Variants in C17orf75 observed in about 807,000 individuals in gnomAD.
The protein encoded by C17orf75 is chromosome 17 open reading frame 75.
Under a neutral mutation model 49.6 loss-of-function variants are expected in C17orf75, and 32 were observed. The observed-to-expected ratio is 0.65, with a 90% confidence interval of 0.49 to 0.87. The LOEUF (loss-of-function observed/expected upper bound fraction) is 0.87. Among genes scored for constraint, C17orf75 ranks in the 40% least tolerant of loss-of-function variants. C17orf75 has a pLI of 0.00. For synonymous variants in C17orf75, 158 were observed against 159.5 expected, an observed-to-expected ratio of 0.99 and a Z score of 0.07; for missense variants, 428 against 473.9, an observed-to-expected ratio of 0.90 and a Z score of 0.90.
chr17:32,339,748 T>C lies in C17orf75; in HGVS notation c.347+65A>G, dbSNP rs1409144031. Reference sequence around the variant, plus strand: ...CTAGTAGGAGCTGATCTTTTGGAGTTTCTCATCACTTCTCATATTTAGTTC... The same window carrying C: ...CTAGTAGGAGCTGATCTTTTGGAGTCTCTCATCACTTCTCATATTTAGTTC... On this transcript the variant is annotated intron_variant, in intron 3 of 9. Transcript: ENST00000577809. 1.9e-6 allele frequency: 3 copies of C among 1,583,000 alleles called. No individual in the cohort carries two copies. In the African/African-American group the frequency reaches 4.1e-5, roughly 21 times the overall value.
Position 32,334,968 on chromosome 17 carries a change from C to CTCCAGA in C17orf75, c.670-135_670-130dup. 4.1e-6 allele frequency: 3 copies of CTCCAGA among 728,572 alleles called. No individual in the cohort carries two copies. In the South Asian group the frequency reaches 6.1e-5, roughly 15 times the overall value. 45.1% of individuals were successfully genotyped at this position (728,572 alleles called of 1,614,324 possible). A position where few individuals can be genotyped will look rare whatever the true frequency, so the allele number is the denominator to read the frequency against. On this transcript the variant is annotated intron_variant, in intron 6 of 9. Coordinates refer to ENST00000577809, the MANE Select transcript of C17orf75 (RefSeq NM_022344.4). ...AATTGATGGGCACTGGTCACAAGCTCTCCAGAGCCTTGTTCAGCCACTGCT... is the reference window on the plus strand; with the variant it reads ...AATTGATGGGCACTGGTCACAAGCTCTCCAGATCCAGAGCCTTGTTCAGCCACTGCT...
intron 9 of C17orf75, 147 bp from the exon 10 acceptor site, chr17:32,332,125 T>C (rs1241992997): frequency 4.3e-6 from 3 of 698,560 alleles, no homozygotes. Context: ...AATTGCAGTA[T>C]GCTTTGCCCT....
At chr17:32,341,166 G>A (rs762171486) in intron 2 of C17orf75, 38 bp downstream of exon 2, 3 of 1,599,706 alleles carry the variant, frequency 1.9e-6, no homozygotes, top group South Asian at 1.1e-5. Flanking sequence ...CAGGGAAGAT[G>A]AAAGCACATG....
intron 9 of C17orf75, among the ~76,000 whole-genome samples, chr17:32,332,832 CAG>C (rs1261735208): frequency 1.3e-5 from 2 of 151,688 alleles, no homozygotes; most frequent in African/African-American, 4.8e-5. Flanking sequence ...TTTTTTTAGA[CAG>C]AGTCTCACTC....
Position 32,339,827 on chromosome 17 carries a change from T to C in C17orf75, c.333A>G (p.Ala111=), listed in dbSNP as rs368994319. ...GAVFEGLGNV[A]SVELKIPGYR... ...TTTGCACTTACTTTAGCTCCACAGA[T>C]GCAACATTACCCAGCCCTTCAAAGA... The change falls in exon 3 of 10, where the codon GCA becomes GCG. Residue 111 remains alanine, a synonymous_variant. Transcript: ENST00000577809. 1.2e-6 allele frequency: 2 copies of C among 1,613,904 alleles called. No homozygotes were observed. The highest frequency in any genetic ancestry group is 2.2e-5 in the East Asian group (1 of 44,900).
At chr17:32,349,037 T>TTTTTG (rs2041454823) in intron 1 of C17orf75, among the ~76,000 whole-genome samples, 1 of 151,806 alleles carries the variant, frequency 6.6e-6, no homozygotes, top group Non-Finnish European at 1.5e-5. Flanking sequence ...GGCTAATTTT[T>TTTTTG]GTATTTTTAG....
chr17:32,346,814 C>T (rs958272928), upstream of C17orf75, among the ~76,000 whole-genome samples: 1 of 152,148 alleles, frequency 6.6e-6, no homozygotes, highest in Non-Finnish European at 1.5e-5. Flanking sequence ...CTCAGGTGAT[C>T]CGCCTGCCTA....
chr17:32,342,111 T>C lies in C17orf75; in HGVS notation c.29A>G (p.Asp10Gly). 1 of 1,601,684 alleles carries C rather than the reference T, an allele frequency of 6.2e-7. No homozygotes were observed. Among genetic ancestry groups the C allele is most frequent in the Non-Finnish European group, 8.5e-7 (1 of 1,174,812 alleles). The change falls in exon 1 of 10, where the codon GAT (aspartate) becomes GGT (glycine). Residue 10 changes from aspartate to glycine, a missense_variant. Physicochemically the swap from Asp to Gly is moderately conservative, Grantham distance 94. Coordinates refer to ENST00000577809, the MANE Select transcript of C17orf75 (RefSeq NM_022344.4). MLPSLQESM[D>G]GDEKELESSE... ...GCTCTCTAGTTCCTTTTCATCTCCA[T>C]CCATCGACTCCTGCAAAGAGGGGAG... is the stretch of plus-strand genomic sequence containing the variant.
upstream of C17orf75, among the ~76,000 whole-genome samples, chr17:32,345,742 A>G (rs1203592737): frequency 6.6e-6 from 1 of 152,080 alleles, no homozygotes; most frequent in African/African-American, 2.4e-5. Context: ...AGGCAGCAGA[A>G]TCCCCATGTT....
chr17:32,337,690 C>G (rs1267416259), intron 5 of C17orf75, among the ~76,000 whole-genome samples: 1 of 152,188 alleles, frequency 6.6e-6, no homozygotes, highest in Non-Finnish European at 1.5e-5. Flanking sequence ...TCTCCTGCCT[C>G]AGCCTCCCAA....
At chr17:32,341,534 A>G (rs1453721635) in intron 1 of C17orf75, among the ~76,000 whole-genome samples, 4 of 152,216 alleles carry the variant, frequency 2.6e-5, no homozygotes, top group Non-Finnish European at 5.9e-5. Flanking sequence ...TTTAAAAACC[A>G]AACTTGACAA....
intron 7 of C17orf75, 41 bp downstream of exon 7, chr17:32,334,734 G>T (rs1323616143): frequency 6.4e-7 from 1 of 1,567,684 alleles, no homozygotes; most frequent in African/African-American, 1.4e-5. Flanking sequence ...TGTCAATCTT[G>T]CTGTGGAAAA....
upstream of C17orf75, chr17:32,344,163 C>T (rs140695516): frequency 1.7e-3 from 915 of 523,190 alleles, 7 homozygotes; most frequent in African/African-American, 0.015. Flanking sequence ...CAGGAAACAG[C>T]TGTATTTTTA....
chr17:32,344,321 A>C (rs1050712355), upstream of C17orf75, among the ~76,000 whole-genome samples: 4 of 152,170 alleles, frequency 2.6e-5, no homozygotes, highest in Admixed American at 2.6e-4. Context: ...AGCAGCCATA[A>C]GAAACTAATA....
rs190347094 is a variant in C17orf75 at position 32,331,695 on chromosome 17, T to C, written c.*68A>G. On this transcript the variant is annotated 3_prime_UTR_variant, in exon 10 of 10. Coordinates refer to ENST00000577809, the MANE Select transcript of C17orf75 (RefSeq NM_022344.4). ...TAAATAGCAATCCTATGAACAATTA[T>C]AACTGCAATTTCAAACACTAAGACT... 158 of 1,257,432 alleles carry C rather than the reference T, an allele frequency of 1.3e-4. 1 individual carries two copies. In the East Asian group the frequency reaches 1.9e-3, roughly 15 times the overall value. 77.9% of individuals were successfully genotyped at this position (1,257,432 alleles called of 1,614,324 possible).
At chr17:32,342,220 C>G (rs1038161892), upstream of C17orf75, 3 of 1,401,320 alleles carry the variant, frequency 2.1e-6, 1 homozygote, top group Admixed American at 2.6e-5. Flanking sequence ...AGGGCTCGTC[C>G]GGCTCCCGGC....
intron 1 of C17orf75, chr17:32,341,750 GGAT>G: frequency 1.0e-6 from 1 of 988,682 alleles, no homozygotes; most frequent in Non-Finnish European, 1.2e-6. Flanking sequence ...TAAGAGGCTG[GGAT>G]GATATAGGGG....
intron 1 of C17orf75, among the ~76,000 whole-genome samples, chr17:32,348,079 G>A (rs2041439287): frequency 6.6e-6 from 1 of 151,584 alleles, no homozygotes; most frequent in Non-Finnish European, 1.5e-5. Context: ...GTGCAGCAGA[G>A]TGATCTCGGC....
intron 1 of C17orf75, among the ~76,000 whole-genome samples, chr17:32,348,585 C>T (rs1370655079): frequency 6.6e-6 from 1 of 152,150 alleles, no homozygotes; most frequent in Non-Finnish European, 1.5e-5. Flanking sequence ...TTATTATATG[C>T]TAAGCTCTGT....
Sources: allele counts gnomAD v4.1 joint callset (sites outside exome capture counted in the v4.1 genomes callset), GRCh38; gene constraint gnomAD v4.1.1; transcripts MANE v1.5; gene names NCBI Gene and HGNC (gene_info 2026-07-23, HGNC 2026-07-21).